Variants in ZNF540 observed in about 807,000 individuals in gnomAD.
ZNF540 encodes the protein CTD-3064H18.6.
In ZNF540, 3 loss-of-function variants were observed where a neutral mutation model predicts 11.8. The ratio of observed to expected loss-of-function variants is 0.25; its 90% CI spans 0.12 to 0.65. ZNF540 has a LOEUF of 0.65. Ranked by LOEUF, ZNF540 falls within the 30% of genes least tolerant of loss-of-function variation. The pLI is 0.83. For missense variants in ZNF540, 709 were observed against 793.1 expected (o/e 0.89, Z 1.27); for synonymous variants, 247 against 259.0 (o/e 0.95, Z 0.45).
At chr19:37,561,233 A>C (rs1391641323) in intron 1 of ZNF540, among the ~76,000 whole-genome samples, 1 of 152,028 alleles carries the variant, frequency 6.6e-6, no homozygotes, top group African/African-American at 2.4e-5. Context: ...CCCACCTCTA[A>C]ACAAAAAAAG....
intron 1 of ZNF540, chr19:37,586,638 A>G (rs373229442): frequency 3.5e-5 from 57 of 1,613,460 alleles, no homozygotes; most frequent in Non-Finnish European, 4.3e-5. Context: ...AAATGATTGT[A>G]CTTCAAGAAG....
At chr19:37,592,797 A>G (rs922138470), upstream of ZNF540, among the ~76,000 whole-genome samples, 2 of 152,236 alleles carry the variant, frequency 1.3e-5, no homozygotes, top group South Asian at 4.1e-4. Context: ...AAATTATAAG[A>G]CAGTACAAAG....
chr19:37,596,916 A>C (rs1222498725), intron 1 of ZNF540, among the ~76,000 whole-genome samples: 1 of 152,238 alleles, frequency 6.6e-6, no homozygotes, highest in Non-Finnish European at 1.5e-5. Context: ...CATTAAACCC[A>C]AGTCATTATT....
chr19:37,563,447 A>C (rs1258934161), intron 1 of ZNF540: 1 of 152,196 alleles, frequency 6.6e-6, no homozygotes, highest in Non-Finnish European at 1.5e-5. Flanking sequence ...CAAATGAGGA[A>C]AAACTGTAGT....
chr19:37,560,349 A>T (rs2042703703), intron 1 of ZNF540: 1 of 151,912 alleles, frequency 6.6e-6, no homozygotes, highest in Non-Finnish European at 1.5e-5. Flanking sequence ...TAAACTTCGT[A>T]TGTAACTTTG....
chr19:37,604,798 C>T (rs756073623), intron 4 of ZNF540, among the ~76,000 whole-genome samples: 5 of 152,150 alleles, frequency 3.3e-5, no homozygotes, highest in Non-Finnish European at 5.9e-5. Flanking sequence ...CAGTACCCTT[C>T]CCCCACTTTC....
intron 1 of ZNF540, among the ~76,000 whole-genome samples, chr19:37,559,376 AAAT>A (rs777890290): frequency 1.1e-3 from 174 of 152,378 alleles, no homozygotes; most frequent in Non-Finnish European, 1.8e-3. Context: ...TATTCTATAT[AAAT>A]AAAATCCAAG....
At chr19:37,591,757 T>C (rs2043874427), upstream of ZNF540, among the ~76,000 whole-genome samples, 1 of 151,976 alleles carries the variant, frequency 6.6e-6, no homozygotes, top group Non-Finnish European at 1.5e-5. Flanking sequence ...TTGGTCAGGC[T>C]GGCCTCAAAC....
intron 1 of ZNF540, chr19:37,565,812 G>C: frequency 6.2e-7 from 1 of 1,613,496 alleles, no homozygotes; most frequent in Non-Finnish European, 8.5e-7. Flanking sequence ...TCAGAAGTAC[G>C]ACCAAAGGCC....
intron 1 of ZNF540, chr19:37,565,577 C>A: frequency 6.2e-7 from 1 of 1,613,520 alleles, no homozygotes. Context: ...GGCCTTCCCA[C>A]AATCCTTACA....
In ZNF540 at chr19:37,613,760, G is replaced by A; in HGVS notation, c.*497G>A. On this transcript the variant is annotated 3_prime_UTR_variant, in exon 5 of 5. Transcript: ENST00000316433. ...AAACCACTCATCACTTACATTTCAT[G>A]AAGTACTTCTTTGATAAAATCTGTT... The A allele has an allele frequency of 2.5e-6, 1 of 398,672 alleles. No individual in the cohort carries two copies. Among genetic ancestry groups the A allele is most frequent in the Non-Finnish European group, 4.4e-6 (1 of 226,152 alleles). The allele number at this position is 398,672 out of a possible 1,614,324, so 24.7% of individuals were successfully genotyped here.
chr19:37,554,416 TC>T (rs1250186841), intron 1 of ZNF540, among the ~76,000 whole-genome samples: 38 of 152,342 alleles, frequency 2.5e-4, no homozygotes, highest in African/African-American at 8.4e-4. Flanking sequence ...TAGAGTTTCC[TC>T]CCTATTCCTT....
At chr19:37,589,864 C>CAAAAAAAAAAAAAA (rs60136941), upstream of ZNF540, among the ~76,000 whole-genome samples, 2 of 29,588 alleles carry the variant, frequency 6.8e-5, no homozygotes, top group Non-Finnish European at 1.1e-4. Flanking sequence ...GACTCCATCT[C>CAAAAAAAAAAAAAA]AAAAAAAAAA....
chr19:37,577,815 G>GGTGCACAAA (rs2043295456), intron 1 of ZNF540, among the ~76,000 whole-genome samples: 2 of 152,208 alleles, frequency 1.3e-5, no homozygotes, highest in Non-Finnish European at 2.9e-5. Context: ...ACCACTCTCA[G>GGTGCACAAA]GGAGAGGAAA....
At chr19:37,574,982 C>T (rs1029315639) in intron 1 of ZNF540, among the ~76,000 whole-genome samples, 2 of 152,182 alleles carry the variant, frequency 1.3e-5, no homozygotes, top group African/African-American at 4.8e-5. Context: ...CAATCCTTTA[C>T]ATTTTCAAAA....
intron 1 of ZNF540, chr19:37,583,875 T>C (rs982823961): frequency 3.0e-6 from 4 of 1,314,736 alleles, no homozygotes; most frequent in Non-Finnish European, 3.2e-6. Context: ...TACTCAAACG[T>C]AAGCCTTTCC....
rs373384831 is a variant in ZNF540 at position 37,604,554 on chromosome 19, G to A, written c.232+3449G>A. 2.7e-3 allele frequency among the ~76,000 whole-genome samples: 412 copies of A among 151,902 alleles called. 2 individuals carry two copies. Among genetic ancestry groups the A allele is most frequent in the African/African-American group, 8.9e-3 (368 of 41,428 alleles). On this transcript the variant is annotated intron_variant, in intron 4 of 4. Transcript: ENST00000316433. ...GATCTCCTGACCTTGTGATCCGCCC[G>A]CCTCGGCCTCCCAAAGTGCTGGGAT...
chr19:37,591,301 A>C (rs1210625760), upstream of ZNF540, among the ~76,000 whole-genome samples: 1 of 152,218 alleles, frequency 6.6e-6, no homozygotes. Context: ...AAAGCAAATA[A>C]GCTATCAACT....
At chr19:37,601,167 G>A in intron 4 of ZNF540, 62 bp downstream of exon 4, 4 of 1,401,648 alleles carry the variant, frequency 2.9e-6, no homozygotes, top group Non-Finnish European at 3.0e-6. Context: ...CAGCTGGTGA[G>A]GGAGCATATA....
Sources: allele counts gnomAD v4.1 joint callset (sites outside exome capture counted in the v4.1 genomes callset), GRCh38; gene constraint gnomAD v4.1.1; transcripts MANE v1.5; gene names NCBI Gene and HGNC (gene_info 2026-07-23, HGNC 2026-07-21).